ME1: variants seen among roughly 807,000 people sequenced by gnomAD.
ME1 encodes NADP-dependent malic enzyme.
In ME1, 74 loss-of-function variants were observed where a neutral mutation model predicts 66.4. The observed-to-expected ratio is 1.11, with a 90% CI of 0.92 to 1.35. The LOEUF is 1.35. Among genes scored for constraint, ME1 ranks in the 40% most tolerant of loss-of-function variants. The pLI is 0.00. For synonymous variants in ME1, 251 were observed against 235.6 expected (o/e 1.07, Z -0.60); for missense variants, 750 against 694.1 (o/e 1.08, Z -0.90).
At chr6:83,281,856 A>G in intron 6 of ME1, among the ~76,000 whole-genome samples, 1 of 121,924 alleles carries the variant, frequency 8.2e-6, no homozygotes, top group South Asian at 2.5e-4. Context: ...CAAAAAAGAG[A>G]AAAAAAAAAA....
intron 1 of ME1, among the ~76,000 whole-genome samples, chr6:83,411,116 C>T (rs1346062541): frequency 2.6e-5 from 4 of 151,822 alleles, no homozygotes; most frequent in Middle Eastern, 3.2e-3. Context: ...TGGTGGCTCA[C>T]GCCTGTAATC....
intron 3 of ME1, among the ~76,000 whole-genome samples, chr6:83,359,069 T>A (rs1768955244): frequency 6.6e-6 from 1 of 150,884 alleles, no homozygotes. Context: ...GAGGGGCACA[T>A]CACTTCCCAG....
chr6:83,250,866 T>C (rs1388197680), intron 7 of ME1, among the ~76,000 whole-genome samples: 1 of 152,218 alleles, frequency 6.6e-6, no homozygotes, highest in Admixed American at 6.5e-5. Context: ...ATAGTAAATA[T>C]TTTAGGGCTT....
rs749890992 is a variant in ME1 at position 83,407,877 on chromosome 6, T to C, written c.103A>G (p.Arg35Gly). The C allele has an allele frequency of 5.0e-6, 8 of 1,612,406 alleles. No homozygotes were observed. In the Admixed American group the frequency reaches 1.0e-4, roughly 20 times the overall value. ...AATCCATGAATGTTCAATTGCTGTC[T>C]CTCTTCCAGGGTAAAGGCCAAGTCC... The part of the protein sequence containing the change: ...NKDLAFTLEE[R>G]QQLNIHGLLP... The change falls in exon 2 of 14, where the codon AGA becomes GGA. Residue 35 changes from arginine to glycine, a missense_variant. Physicochemically the swap from Arg to Gly is moderately radical, Grantham distance 125 (BLOSUM62 -2). Coordinates refer to ENST00000369705, the MANE Select transcript of ME1 (RefSeq NM_002395.6).
At chr6:83,259,624 G>A (rs1422486272) in intron 6 of ME1, among the ~76,000 whole-genome samples, 2 of 152,142 alleles carry the variant, frequency 1.3e-5, no homozygotes, top group Non-Finnish European at 2.9e-5. Flanking sequence ...TAAGTAATCC[G>A]AAGTTGACAC....
intron 7 of ME1, among the ~76,000 whole-genome samples, chr6:83,248,775 C>T (rs1443988618): frequency 1.3e-5 from 2 of 152,140 alleles, no homozygotes; most frequent in Non-Finnish European, 2.9e-5. Context: ...CCTGAGGCCT[C>T]CTCAGCCATA....
chr6:83,302,360 C>T (rs1767743807), intron 6 of ME1, among the ~76,000 whole-genome samples: 2 of 152,042 alleles, frequency 1.3e-5, no homozygotes, highest in African/African-American at 4.8e-5. Flanking sequence ...GAGTACTATG[C>T]TTAGTTCCTG....
chr6:83,258,337 A>G lies in ME1; in HGVS notation c.705-4599T>C, dbSNP rs202072414. 7.2e-5 allele frequency among the ~76,000 whole-genome samples: 11 copies of G among 152,298 alleles called. No individual in the cohort carries two copies. In the East Asian group the frequency reaches 2.1e-3, roughly 29 times the overall value. Reference sequence around the variant, plus strand: ...AATTCTGAATTCATTTTGTGATACAAGCATCTTGCATCATATAATAAAAGA... The same window carrying G: ...AATTCTGAATTCATTTTGTGATACAGGCATCTTGCATCATATAATAAAAGA... On this transcript the variant is annotated intron_variant, in intron 6 of 13. Coordinates refer to ENST00000369705, the MANE Select transcript of ME1 (RefSeq NM_002395.6).
intron 1 of ME1, among the ~76,000 whole-genome samples, chr6:83,416,626 C>T (rs985383257): frequency 1.3e-5 from 2 of 152,106 alleles, no homozygotes; most frequent in Admixed American, 6.6e-5. Context: ...CAGTGACTCA[C>T]GCCTCTAATC....
At position 83,360,835 on chromosome 6, in the gene ME1, T is replaced by C. The variant is rs1219284408; in HGVS notation, c.363-8696A>G. On this transcript the variant is annotated intron_variant, in intron 3 of 13. Coordinates refer to ENST00000369705, the MANE Select transcript of ME1 (RefSeq NM_002395.6). ...AAGTGGTGACTCCAATTGCAGCTGC[T>C]GTACCTGTACCAGATGTGGTTTCAT... 2.0e-5 allele frequency among the ~76,000 whole-genome samples: 3 copies of C among 152,226 alleles called. No individual in the cohort carries two copies. In the East Asian group the frequency reaches 5.8e-4, roughly 29 times the overall value.
chr6:83,312,525 T>TA (rs973179773), intron 6 of ME1, among the ~76,000 whole-genome samples: 2 of 151,702 alleles, frequency 1.3e-5, no homozygotes, highest in African/African-American at 2.4e-5. Flanking sequence ...AGATGGCAAA[T>TA]AAAAAAAACC....
chr6:83,361,296 T>C (rs867372988), intron 3 of ME1, among the ~76,000 whole-genome samples: 1 of 152,194 alleles, frequency 6.6e-6, no homozygotes, highest in African/African-American at 2.4e-5. Flanking sequence ...AGGTAAAGGA[T>C]AAGTTGCTGC....
intron 3 of ME1, among the ~76,000 whole-genome samples, chr6:83,358,028 C>T (rs1334072976): frequency 7.0e-6 from 1 of 143,602 alleles, no homozygotes; most frequent in Non-Finnish European, 1.5e-5. Context: ...TTAGTTCTGT[C>T]CCTCTAGAGA....
chr6:83,252,927 T>A (rs998161963), intron 7 of ME1, among the ~76,000 whole-genome samples: 5 of 152,050 alleles, frequency 3.3e-5, no homozygotes, highest in African/African-American at 1.2e-4. Flanking sequence ...CTGCTGAAAA[T>A]TCAAATAAGA....
At chr6:83,324,545 T>TAA in intron 5 of ME1, among the ~76,000 whole-genome samples, 1 of 151,772 alleles carries the variant, frequency 6.6e-6, no homozygotes, top group Non-Finnish European at 1.5e-5. Context: ...CATCAGAGAA[T>TAA]ACTACAAACA....
At chr6:83,278,627 T>G (rs936491662) in intron 6 of ME1, among the ~76,000 whole-genome samples, 1 of 151,984 alleles carries the variant, frequency 6.6e-6, no homozygotes, top group Non-Finnish European at 1.5e-5. Context: ...GTCTTTTTTT[T>G]TTTAATTTCT....
chr6:83,237,274 A>AGAAAGAGAAAGAAAGAAAGAAAGGAAG (rs1554262978), intron 9 of ME1, among the ~76,000 whole-genome samples: 14 of 83,668 alleles, frequency 1.7e-4, no homozygotes, highest in African/African-American at 7.7e-4. Context: ...AAAGAAAGAA[A>AGAAAGAGAAAGAAAGAAAGAAAGGAAG]GAAAGGAAGG....
intron 6 of ME1, among the ~76,000 whole-genome samples, chr6:83,280,377 C>T (rs1239015094): frequency 1.3e-5 from 2 of 152,092 alleles, no homozygotes; most frequent in Non-Finnish European, 2.9e-5. Context: ...ATGGTACCTG[C>T]AGTATTCATG....
At chr6:83,376,804 C>CAAAAA (rs70987750) in intron 3 of ME1, among the ~76,000 whole-genome samples, 20 of 87,124 alleles carry the variant, frequency 2.3e-4, no homozygotes, top group African/African-American at 3.1e-4. Flanking sequence ...CCCTGTCTCA[C>CAAAAA]AAAAAAAAAA....
Sources: gnomAD v4.1 joint callset for allele counts (sites outside exome capture counted in the v4.1 genomes callset) on GRCh38, gnomAD v4.1.1 for gene constraint, MANE v1.5 for transcripts, NCBI Gene and HGNC (gene_info 2026-07-23, HGNC 2026-07-21) for gene names.